SMG6: variants seen among roughly 807,000 people sequenced by gnomAD.
The protein encoded by SMG6 is telomerase-binding protein EST1A.
Under a neutral mutation model 142.2 loss-of-function variants are expected in SMG6, and 66 were observed. The observed-to-expected ratio is 0.46, with a 90% confidence interval of 0.38 to 0.57. The LOEUF is 0.57. SMG6 is among the 20% of genes least tolerant of loss of function. The pLI, the probability that SMG6 is intolerant of heterozygous loss-of-function variation, is 0.00. For missense variants in SMG6, 1,793 were observed against 1,832.0 expected (o/e 0.98, Z 0.39); for synonymous variants, 779 against 702.4 (o/e 1.11, Z -1.72).
intron 13 of SMG6, among the ~76,000 whole-genome samples, chr17:2,165,803 G>A (rs2071318926): frequency 6.6e-6 from 1 of 152,206 alleles, no homozygotes; most frequent in Non-Finnish European, 1.5e-5. Context: ...TACTCAGGAG[G>A]CTGAGGGGGG....
intron 10 of SMG6, among the ~76,000 whole-genome samples, chr17:2,225,229 G>C (rs1367215778): frequency 6.6e-6 from 1 of 151,796 alleles, no homozygotes; most frequent in Non-Finnish European, 1.5e-5. Context: ...TGTAATCCCA[G>C]CACTTTGGGA....
chr17:2,078,395 T>C (rs76597000), intron 15 of SMG6, among the ~76,000 whole-genome samples: 1 of 152,080 alleles, frequency 6.6e-6, no homozygotes, highest in Non-Finnish European at 1.5e-5. Flanking sequence ...TTTTTTTTTT[T>C]TGAGACAGAG....
intron 10 of SMG6, among the ~76,000 whole-genome samples, chr17:2,194,763 G>C (rs2072271411): frequency 6.6e-6 from 1 of 152,078 alleles, no homozygotes; most frequent in Non-Finnish European, 1.5e-5. Context: ...ATGCTGTTGA[G>C]GGGGTACGTA....
intron 13 of SMG6, among the ~76,000 whole-genome samples, chr17:2,152,673 C>G (rs1370817835): frequency 6.6e-6 from 1 of 152,116 alleles, no homozygotes; most frequent in Non-Finnish European, 1.5e-5. Context: ...AAAAAACAAA[C>G]AAACTGACAG....
chr17:2,179,416 A>G (rs573677387), intron 12 of SMG6, among the ~76,000 whole-genome samples: 2 of 152,258 alleles, frequency 1.3e-5, no homozygotes, highest in South Asian at 2.1e-4. Flanking sequence ...CAGAGTCAAC[A>G]CATGGAAGCT....
chr17:2,248,383 A>T (rs1037959456), intron 8 of SMG6, among the ~76,000 whole-genome samples: 1 of 152,138 alleles, frequency 6.6e-6, no homozygotes, highest in Non-Finnish European at 1.5e-5. Flanking sequence ...TTCCTTCCTG[A>T]TTAGGTAGGA....
Position 2,171,554 on chromosome 17 carries a change from C to T in SMG6, c.3357+1104G>A, listed in dbSNP as rs9906107. On this transcript the variant is annotated intron_variant, in intron 13 of 18. Coordinates refer to ENST00000263073, the MANE Select transcript of SMG6 (RefSeq NM_017575.5). Reference sequence around the variant, plus strand: ...TAAAAACTGTTTGTTTGCTTGTTTGCTTGTAGAGACAGGTTTCTCATGTTG... The same window carrying T: ...TAAAAACTGTTTGTTTGCTTGTTTGTTTGTAGAGACAGGTTTCTCATGTTG... Among the ~76,000 whole-genome samples, 53 of 151,280 alleles carry T rather than the reference C, an allele frequency of 3.5e-4. No homozygotes were observed. In the Middle Eastern group the frequency reaches 0.017, roughly 49 times the overall value.
intron 13 of SMG6, among the ~76,000 whole-genome samples, chr17:2,171,966 G>C (rs1363377410): frequency 6.6e-6 from 1 of 152,072 alleles, no homozygotes; most frequent in African/African-American, 2.4e-5. Context: ...GTTATTACAC[G>C]TGGGAAATGT....
At chr17:2,244,296 C>T (rs2073879945) in intron 9 of SMG6, among the ~76,000 whole-genome samples, 1 of 152,188 alleles carries the variant, frequency 6.6e-6, no homozygotes, top group Admixed American at 6.5e-5. Context: ...AAGGAGGACC[C>T]CCTGACAGCT....
chr17:2,216,957 T>C (rs2073037388), intron 10 of SMG6, among the ~76,000 whole-genome samples: 1 of 152,196 alleles, frequency 6.6e-6, no homozygotes, highest in Non-Finnish European at 1.5e-5. Context: ...AAGTTGCTTC[T>C]TTTGAAATTC....
intron 10 of SMG6, among the ~76,000 whole-genome samples, chr17:2,211,666 TAAAA>T (rs58516730): frequency 1.5e-5 from 2 of 135,178 alleles, no homozygotes; most frequent in Admixed American, 7.5e-5. Flanking sequence ...TCCATCTAAT[TAAAA>T]AAAAAAAAAA....
intron 8 of SMG6, among the ~76,000 whole-genome samples, chr17:2,281,995 T>C (rs984924709): frequency 2.0e-5 from 3 of 152,246 alleles, no homozygotes; most frequent in Non-Finnish European, 2.9e-5. Flanking sequence ...TCTCATATAC[T>C]GGGTGTGCAC....
intron 8 of SMG6, among the ~76,000 whole-genome samples, chr17:2,255,504 G>A (rs2074152075): frequency 6.6e-6 from 1 of 151,446 alleles, no homozygotes; most frequent in Non-Finnish European, 1.5e-5. Context: ...ATTTGTAAAG[G>A]TTGTTCTGGA....
At chr17:2,097,781 C>T (rs1384644361) in intron 13 of SMG6, among the ~76,000 whole-genome samples, 1 of 152,178 alleles carries the variant, frequency 6.6e-6, no homozygotes, top group Non-Finnish European at 1.5e-5. Context: ...CAACTGTCTC[C>T]TAAACATCCT....
intron 10 of SMG6, among the ~76,000 whole-genome samples, chr17:2,199,106 A>G (rs905559288): frequency 5.3e-5 from 8 of 152,178 alleles, no homozygotes; most frequent in Non-Finnish European, 5.9e-5. Context: ...GTGATGAGAA[A>G]GTGAAGAAAG....
intron 8 of SMG6, among the ~76,000 whole-genome samples, chr17:2,263,347 G>A (rs1012624953): frequency 2.0e-5 from 3 of 152,112 alleles, no homozygotes; most frequent in African/African-American, 7.2e-5. Context: ...CATAGAGGCT[G>A]ATGACACACT....
At chr17:2,156,318 C>T (rs1029177540) in intron 13 of SMG6, among the ~76,000 whole-genome samples, 12 of 134,820 alleles carry the variant, frequency 8.9e-5, no homozygotes, top group African/African-American at 2.0e-4. Context: ...CGCTTGAACT[C>T]GGGAGGTGGA....
chr17:2,170,208 C>T (rs528945473), intron 13 of SMG6, among the ~76,000 whole-genome samples: 3 of 152,206 alleles, frequency 2.0e-5, no homozygotes, highest in South Asian at 2.1e-4. Flanking sequence ...CTCACTGAGC[C>T]GCCACTGCCC....
chr17:2,136,557 T>C (rs1340524596), intron 13 of SMG6, among the ~76,000 whole-genome samples: 1 of 152,190 alleles, frequency 6.6e-6, no homozygotes, highest in African/African-American at 2.4e-5. Context: ...TTTAATGATC[T>C]TTCCAGAGGA....
Sources: allele counts gnomAD v4.1 joint callset (sites outside exome capture counted in the v4.1 genomes callset), GRCh38; gene constraint gnomAD v4.1.1; transcripts MANE v1.5; gene names NCBI Gene and HGNC (gene_info 2026-07-23, HGNC 2026-07-21).